The following ZGRF1 variants were observed in gnomAD, a reference collection of about 807,000 sequenced individuals.
ZGRF1 encodes 5'-3' DNA helicase ZGRF1.
A neutral mutation model predicts 203.5 loss-of-function variants in ZGRF1; 196 were observed. The observed-to-expected ratio is 0.96, with a 90% CI of 0.86 to 1.08. ZGRF1 has a LOEUF of 1.08. ZGRF1 is among the 50% of genes least tolerant of loss of function. The pLI is 0.00. For missense variants in ZGRF1, 2,326 were observed against 2,416.3 expected, an observed-to-expected ratio of 0.96 and a Z score of 0.78; for synonymous variants, 809 against 841.3, an observed-to-expected ratio of 0.96 and a Z score of 0.66.
chr4:112,556,440 G>C (rs1740960545), intron 20 of ZGRF1, among the ~76,000 whole-genome samples: 1 of 152,114 alleles, frequency 6.6e-6, no homozygotes. Flanking sequence ...ACCCAGGCTA[G>C]AGTGCAGTGG....
intron 10 of ZGRF1, among the ~76,000 whole-genome samples, chr4:112,595,437 A>G (rs2149060933): frequency 1.3e-5 from 2 of 152,186 alleles, no homozygotes; most frequent in South Asian, 2.1e-4. Flanking sequence ...ACTGTGCCCA[A>G]CACAGCATAG....
chr4:112,602,444 AT>A (rs1219245113), intron 10 of ZGRF1, among the ~76,000 whole-genome samples: 1 of 152,244 alleles, frequency 6.6e-6, no homozygotes, highest in African/African-American at 2.4e-5. Flanking sequence ...GGAAATGTAA[AT>A]TATAAAAACC....
intron 3 of ZGRF1, among the ~76,000 whole-genome samples, chr4:112,624,551 G>T (rs1486925523): frequency 3.3e-5 from 5 of 152,094 alleles, no homozygotes; most frequent in Admixed American, 3.3e-4. Flanking sequence ...TATTGCAATG[G>T]GATGGTATAC....
intron 10 of ZGRF1, among the ~76,000 whole-genome samples, chr4:112,598,679 A>G (rs1162831022): frequency 6.6e-6 from 1 of 152,080 alleles, no homozygotes; most frequent in Non-Finnish European, 1.5e-5. Flanking sequence ...CATTAAGTGA[A>G]AAAGAGTTCT....
At chr4:112,587,258 C>A in intron 12 of ZGRF1, 22 bp downstream of exon 12, 1 of 1,569,764 alleles carries the variant, frequency 6.4e-7, no homozygotes, top group Admixed American at 1.8e-5. Context: ...AAATGCACCA[C>A]AAGACCGGTA....
chr4:112,620,006 A>T lies in ZGRF1; in HGVS notation c.347T>A (p.Phe116Tyr), dbSNP rs1452834767. Reference protein sequence around the residue: ...GCQPSGLKRKFTGFQGPRQVP... With the variant: ...GCQPSGLKRKYTGFQGPRQVP... ...ATTTTCCATAGCAAAACTTACAGTA[A>T]ACTTCCTTTTTAAGCCAGAGGGCTG... The change falls in exon 5 of 28, where the codon TTT (phenylalanine) becomes TAT (tyrosine). Residue 116 changes from phenylalanine to tyrosine, a missense_variant. Physicochemically the swap from Phe to Tyr is conservative, Grantham distance 22. Transcript: ENST00000505019. 6.4e-7 allele frequency: 1 copy of T among 1,571,464 alleles called. No homozygotes were observed. The highest frequency in any genetic ancestry group is 2.3e-5 in the East Asian group (1 of 44,308).
At chr4:112,549,280 T>C (rs2148841468) in intron 22 of ZGRF1, among the ~76,000 whole-genome samples, 1 of 152,290 alleles carries the variant, frequency 6.6e-6, no homozygotes, top group Admixed American at 6.5e-5. Context: ...TCTCTAGAAT[T>C]AGATGTAAAC....
intron 3 of ZGRF1, 136 bp downstream of exon 3, chr4:112,631,794 T>G: frequency 2.1e-6 from 1 of 473,772 alleles, no homozygotes; most frequent in Non-Finnish European, 3.7e-6. Flanking sequence ...GATATGGGGA[T>G]CATTTGAAAA....
intron 16 of ZGRF1, among the ~76,000 whole-genome samples, chr4:112,567,862 G>A (rs1371887764): frequency 6.6e-6 from 1 of 152,050 alleles, no homozygotes; most frequent in African/African-American, 2.4e-5. Context: ...GGAGGTCAAC[G>A]CTGCAGTGAG....
chr4:112,566,675 T>C (rs1269303025), intron 16 of ZGRF1, among the ~76,000 whole-genome samples: 1 of 152,118 alleles, frequency 6.6e-6, no homozygotes, highest in African/African-American at 2.4e-5. Flanking sequence ...TGGCTTCCTT[T>C]CTGTGGGGAA....
At chr4:112,622,842 T>G (rs965143164) in intron 4 of ZGRF1, among the ~76,000 whole-genome samples, 20 of 152,170 alleles carry the variant, frequency 1.3e-4, no homozygotes, top group African/African-American at 4.8e-4. Context: ...AACCTTTAAG[T>G]TCAGGAGTAC....
chr4:112,635,187 G>A (rs912604607), intron 1 of ZGRF1, among the ~76,000 whole-genome samples: 7 of 150,424 alleles, frequency 4.7e-5, no homozygotes, highest in Admixed American at 1.3e-4. Context: ...CCCCTCCGGC[G>A]TACATAAATT....
chr4:112,573,378 A>G (rs1578321568), intron 16 of ZGRF1, among the ~76,000 whole-genome samples: 1 of 152,114 alleles, frequency 6.6e-6, no homozygotes, highest in East Asian at 1.9e-4. Context: ...TAATAATAAT[A>G]CAATGGACTT....
intron 23 of ZGRF1, 116 bp downstream of exon 23, chr4:112,548,137 C>T (rs536954832): frequency 7.3e-5 from 59 of 806,512 alleles, no homozygotes; most frequent in African/African-American, 1.9e-4. Flanking sequence ...AATGGGGATT[C>T]GCCATGTTGT....
At position 112,630,848 on chromosome 4, in the gene ZGRF1, C is replaced by A. The variant is rs543162849; in HGVS notation, c.102+1082G>T. ...GCTGCAGTGAGCCGAGATCATGCCA[C>A]TGCACTCCAACCCGGGCAACAGAGT... is the stretch of plus-strand genomic sequence containing the variant. On this transcript the variant is annotated intron_variant, in intron 3 of 27. Coordinates refer to ENST00000505019, the MANE Select transcript of ZGRF1 (RefSeq NM_018392.5). 1.2e-3 allele frequency among the ~76,000 whole-genome samples: 175 copies of A among 151,420 alleles called. 1 individual carries two copies. Among genetic ancestry groups the A allele is most frequent in the African/African-American group, 4.0e-3 (166 of 41,190 alleles).
At chr4:112,621,359 T>C (rs1444375645) in intron 4 of ZGRF1, among the ~76,000 whole-genome samples, 2 of 152,048 alleles carry the variant, frequency 1.3e-5, no homozygotes, top group African/African-American at 4.8e-5. Context: ...AGCATAAAAA[T>C]AAGATTATCA....
At position 112,631,877 on chromosome 4, in the gene ZGRF1, C is replaced by T. The variant is rs377647209; in HGVS notation, c.102+53G>A. ...ATGTACAGTTTTTTAAATATTCAAT[C>T]AAAAATCGAGAACCTTGCTCTTGCA... On this transcript the variant is annotated intron_variant, in intron 3 of 27. Coordinates refer to ENST00000505019, the MANE Select transcript of ZGRF1 (RefSeq NM_018392.5). 5.5e-6 allele frequency: 5 copies of T among 914,098 alleles called. No homozygotes were observed. The African/African-American group carries it at 8.4e-5, about 15-fold the overall frequency. The allele number at this position is 914,098 out of a possible 1,614,324, so 56.6% of individuals were successfully genotyped here.
chr4:112,555,351 C>G (rs1578700599), intron 20 of ZGRF1, among the ~76,000 whole-genome samples: 1 of 152,190 alleles, frequency 6.6e-6, no homozygotes, highest in Non-Finnish European at 1.5e-5. Flanking sequence ...TCTTACAGCT[C>G]TAGCACTATG....
chr4:112,585,479 G>A, intron 14 of ZGRF1, 62 bp downstream of exon 14: 1 of 1,311,084 alleles, frequency 7.6e-7, no homozygotes, highest in Non-Finnish European at 1.0e-6. Flanking sequence ...TGAAGTAATA[G>A]GTATCTAAAC....
Sources: allele counts gnomAD v4.1 joint callset (sites outside exome capture counted in the v4.1 genomes callset), GRCh38; gene constraint gnomAD v4.1.1; transcripts MANE v1.5; gene names NCBI Gene and HGNC (gene_info 2026-07-23, HGNC 2026-07-21).